The following VAV3 variants were observed in gnomAD, a reference collection of about 807,000 sequenced individuals.
VAV3 encodes the protein guanine nucleotide exchange factor VAV3.
Under a neutral mutation model 131.2 loss-of-function variants are expected in VAV3, and 94 were observed. That is an observed-to-expected ratio of 0.72 (90% CI 0.61 to 0.85). The LOEUF is 0.85. Ranked by LOEUF, VAV3 falls within the 40% of genes least tolerant of loss-of-function variation. The probability of loss-of-function intolerance (pLI) is 0.00; values close to 1 mark genes in which losing one functional copy is unlikely to be tolerated. For missense variants in VAV3, 939 were observed against 1,002.7 expected, an observed-to-expected ratio of 0.94 and a Z score of 0.86; for synonymous variants, 349 against 342.0, an observed-to-expected ratio of 1.02 and a Z score of -0.22.
At chr1:107,581,009 C>T (rs897809481) in intron 25 of VAV3, among the ~76,000 whole-genome samples, 4 of 152,186 alleles carry the variant, frequency 2.6e-5, no homozygotes, top group East Asian at 1.9e-4. Flanking sequence ...TAAATGGGAA[C>T]GTTGAGGTGG....
intron 25 of VAV3, among the ~76,000 whole-genome samples, chr1:107,579,642 C>T (rs1217502655): frequency 6.6e-6 from 1 of 152,218 alleles, no homozygotes; most frequent in Non-Finnish European, 1.5e-5. Context: ...GGTCTTCTTG[C>T]TTCTGGCTTT....
intron 20 of VAV3, among the ~76,000 whole-genome samples, chr1:107,632,736 T>TC (rs1156517751): frequency 6.6e-6 from 1 of 152,236 alleles, no homozygotes; most frequent in Non-Finnish European, 1.5e-5. Flanking sequence ...GTTAGCAGTG[T>TC]CTGAGTAGTG....
At chr1:107,734,857 C>G (rs1359663972) in intron 15 of VAV3, among the ~76,000 whole-genome samples, 1 of 152,156 alleles carries the variant, frequency 6.6e-6, no homozygotes, top group African/African-American at 2.4e-5. Flanking sequence ...CCAAGCAGAC[C>G]TAATAGACAT....
chr1:107,709,158 T>G (rs1358025192), intron 15 of VAV3, among the ~76,000 whole-genome samples: 2 of 152,110 alleles, frequency 1.3e-5, no homozygotes, highest in Non-Finnish European at 2.9e-5. Flanking sequence ...TTCAGTAACT[T>G]TGTACCGCCC....
chr1:107,610,698 G>A (rs967290211), intron 21 of VAV3, among the ~76,000 whole-genome samples: 1 of 152,144 alleles, frequency 6.6e-6, no homozygotes, highest in African/African-American at 2.4e-5. Context: ...AAGAAAACTT[G>A]TAGCTGCTAA....
chr1:107,706,756 G>A (rs1660479501), intron 15 of VAV3, among the ~76,000 whole-genome samples: 1 of 152,202 alleles, frequency 6.6e-6, no homozygotes, highest in South Asian at 2.1e-4. Flanking sequence ...CAAGGTGATA[G>A]GGTCATAGAT....
intron 2 of VAV3, among the ~76,000 whole-genome samples, chr1:107,786,730 G>A (rs747927854): frequency 2.6e-5 from 4 of 152,126 alleles, no homozygotes; most frequent in Non-Finnish European, 4.4e-5. Context: ...TAGTACACAG[G>A]ATGGGCTCAG....
chr1:107,719,384 A>G (rs1661341756), intron 15 of VAV3, among the ~76,000 whole-genome samples: 1 of 152,248 alleles, frequency 6.6e-6, no homozygotes. Flanking sequence ...AACTCCATCA[A>G]AAAGTGGTCG....
intron 2 of VAV3, 136 bp downstream of exon 2, chr1:107,874,765 C>T: frequency 1.5e-6 from 1 of 682,174 alleles, no homozygotes; most frequent in Non-Finnish European, 2.4e-6. Context: ...TTTTGCTAAG[C>T]CATCTACATG....
chr1:107,843,237 T>G (rs1291433600), intron 2 of VAV3, among the ~76,000 whole-genome samples: 1 of 151,964 alleles, frequency 6.6e-6, no homozygotes, highest in Non-Finnish European at 1.5e-5. Flanking sequence ...ACACACATCC[T>G]GAGTAAGTTT....
intron 17 of VAV3, among the ~76,000 whole-genome samples, chr1:107,694,337 G>A (rs1246562116): frequency 6.6e-6 from 1 of 152,168 alleles, no homozygotes; most frequent in Non-Finnish European, 1.5e-5. Context: ...TAAGAGCCAA[G>A]TGAGAACTCT....
intron 19 of VAV3, among the ~76,000 whole-genome samples, chr1:107,675,203 T>C (rs1027875069): frequency 9.2e-5 from 14 of 152,216 alleles, no homozygotes; most frequent in Non-Finnish European, 1.9e-4. Context: ...GGTAAATTGT[T>C]ACATAGCAAT....
intron 10 of VAV3, among the ~76,000 whole-genome samples, chr1:107,757,925 C>T (rs1664204857): frequency 6.6e-6 from 1 of 152,160 alleles, no homozygotes; most frequent in Non-Finnish European, 1.5e-5. Context: ...ACTATCACCT[C>T]ATGGGCCAAT....
intron 2 of VAV3, among the ~76,000 whole-genome samples, chr1:107,787,036 T>C (rs1282282776): frequency 6.6e-6 from 1 of 152,134 alleles, no homozygotes; most frequent in Admixed American, 6.6e-5. Context: ...CTGCATCTAA[T>C]ATCAAGAAAT....
intron 10 of VAV3, among the ~76,000 whole-genome samples, chr1:107,760,425 T>C (rs1030053843): frequency 1.3e-5 from 2 of 152,206 alleles, no homozygotes; most frequent in African/African-American, 4.8e-5. Context: ...TCTAATATGA[T>C]TAATCTGCCA....
chr1:107,827,257 C>T (rs1239691114), intron 2 of VAV3, among the ~76,000 whole-genome samples: 1 of 152,132 alleles, frequency 6.6e-6, no homozygotes, highest in African/African-American at 2.4e-5. Context: ...AAGGACAGCA[C>T]TATTTGACAC....
chr1:107,574,491 AAAAC>A (rs1228828536), intron 25 of VAV3, among the ~76,000 whole-genome samples: 1 of 152,248 alleles, frequency 6.6e-6, no homozygotes, highest in Non-Finnish European at 1.5e-5. Context: ...ACAAAACAAA[AAAAC>A]AAATTAAAAA....
chr1:107,792,868 G>A (rs144413027), intron 2 of VAV3, among the ~76,000 whole-genome samples: 45 of 152,218 alleles, frequency 3.0e-4, no homozygotes, highest in African/African-American at 9.6e-4. Flanking sequence ...TTGCAATTAA[G>A]TAGACTGTAA....
chr1:107,731,628 T>G (rs530033039), intron 15 of VAV3, among the ~76,000 whole-genome samples: 57 of 152,292 alleles, frequency 3.7e-4, no homozygotes, highest in African/African-American at 1.3e-3. Flanking sequence ...TAGTAAAATC[T>G]TCTTCATTAT....
Sources: allele counts gnomAD v4.1 joint callset (sites outside exome capture counted in the v4.1 genomes callset), GRCh38; gene constraint gnomAD v4.1.1; transcripts MANE v1.5; gene names NCBI Gene and HGNC (gene_info 2026-07-23, HGNC 2026-07-21).